GLYATL1: variants seen among roughly 807,000 people sequenced by gnomAD.
The protein encoded by GLYATL1 is glycine N-acyltransferase-like protein 1.
Under a neutral mutation model 20.0 loss-of-function variants are expected in GLYATL1, and 15 were observed. That is an observed-to-expected ratio of 0.75 (90% CI 0.50 to 1.15). GLYATL1 has a LOEUF of 1.15. Ranked by LOEUF, GLYATL1 falls within the 50% of genes most tolerant of loss-of-function variation. The pLI, the probability that GLYATL1 is intolerant of heterozygous loss-of-function variation, is 0.00. For missense variants in GLYATL1, 380 were observed against 368.5 expected (o/e 1.03, Z -0.26); for synonymous variants, 151 against 131.5 (o/e 1.15, Z -1.01).
chr11:58,956,186 T>C lies in GLYATL1; in HGVS notation c.*159T>C. Reference sequence around the variant, plus strand: ...TTGATGTTAAAAGACACAGCCATGCTCTTGAGGAGCTTACAATCCTGGCTG... The same window carrying C: ...TTGATGTTAAAAGACACAGCCATGCCCTTGAGGAGCTTACAATCCTGGCTG... On this transcript the variant is annotated 3_prime_UTR_variant, in exon 7 of 7. Transcript: ENST00000532726. The C allele has an allele frequency of 1.5e-6, 1 of 672,818 alleles. No individual in the cohort carries two copies. The highest frequency in any genetic ancestry group is 2.0e-5 in the South Asian group (1 of 49,690). 41.7% of individuals were successfully genotyped at this position (672,818 alleles called of 1,614,324 possible).
At chr11:58,935,643 G>A (rs1453993628), upstream of GLYATL1, 1 of 152,156 alleles carries the variant, frequency 6.6e-6, no homozygotes, top group Non-Finnish European at 1.5e-5. Flanking sequence ...CATCCAATCA[G>A]ATTTCTATAT....
chr11:58,953,473 T>G (rs1215161232), intron 4 of GLYATL1, among the ~76,000 whole-genome samples: 1 of 151,556 alleles, frequency 6.6e-6, no homozygotes, highest in Non-Finnish European at 1.5e-5. Context: ...TCTCTCTTTC[T>G]TCTTCTCTCT....
intron 5 of GLYATL1, 116 bp from the exon 6 acceptor site, chr11:58,955,060 C>T: frequency 2.4e-6 from 3 of 1,228,438 alleles, no homozygotes; most frequent in Non-Finnish European, 2.3e-6. Flanking sequence ...CTCCATCTGA[C>T]TGTGGTGTAA....
chr11:58,943,989 A>G (rs1359154032), intron 2 of GLYATL1, among the ~76,000 whole-genome samples: 1 of 151,974 alleles, frequency 6.6e-6, no homozygotes, highest in Non-Finnish European at 1.5e-5. Flanking sequence ...CTAGGTAGGA[A>G]AAAAATCACT....
upstream of GLYATL1, among the ~76,000 whole-genome samples, chr11:58,938,752 A>C (rs1855950246): frequency 6.6e-6 from 1 of 152,172 alleles, no homozygotes; most frequent in Non-Finnish European, 1.5e-5. Flanking sequence ...ACAGGGGTCT[A>C]GTTCCAGCCG....
chr11:58,931,875 G>A (rs1855614791), intron 1 of GLYATL1, among the ~76,000 whole-genome samples: 1 of 151,822 alleles, frequency 6.6e-6, no homozygotes, highest in South Asian at 2.1e-4. Flanking sequence ...ACTTTGGAAG[G>A]CAGAGGCAGG....
upstream of GLYATL1, among the ~76,000 whole-genome samples, chr11:58,927,019 A>G (rs999004572): frequency 4.6e-5 from 7 of 152,254 alleles, no homozygotes. Flanking sequence ...TGTTTTGGCT[A>G]CACTTACATA....
chr11:58,932,382 A>T (rs1454932582), intron 1 of GLYATL1, among the ~76,000 whole-genome samples: 1 of 152,164 alleles, frequency 6.6e-6, no homozygotes, highest in Non-Finnish European at 1.5e-5. Context: ...GGCAATATCT[A>T]TTATAATAAG....
exon 2 of GLYATL1, chr11:58,908,407 A>G (rs1854959232): frequency 6.3e-6 from 1 of 157,622 alleles, no homozygotes; most frequent in African/African-American, 2.4e-5. Context: ...AATAAATTCA[A>G]TCCTTGGTTC....
intron 5 of GLYATL1, 42 bp downstream of exon 5, chr11:58,954,938 A>C (rs1857278677): frequency 6.3e-7 from 1 of 1,582,842 alleles, no homozygotes; most frequent in Non-Finnish European, 8.6e-7. Context: ...GTGCTTCTCA[A>C]ATTGTGTCTT....
At chr11:58,928,652 G>A (rs192229673) in intron 1 of GLYATL1, 2 of 152,344 alleles carry the variant, frequency 1.3e-5, no homozygotes, top group Admixed American at 6.5e-5. Flanking sequence ...GTCATGCTGA[G>A]TGTCTGACCG....
rs1212715849 is a variant in GLYATL1, at chr11:58,947,890, G to A, written c.111G>A (p.Gly37=). 2 of 1,613,812 alleles carry A rather than the reference G, an allele frequency of 1.2e-6. No homozygotes were observed. The highest frequency in any genetic ancestry group is 4.5e-5 in the East Asian group (2 of 44,880). The change falls in exon 4 of 7, where the codon GGG becomes GGA. Residue 37 remains glycine, a synonymous_variant. Transcript: ENST00000532726. ...VYGSVYHINH[G]NPFNMEVLVD... ...GCTCTGTGTATCACATCAATCACGGGAACCCCTTCAACATGGAGGTGCTGG... is the reference window on the plus strand; with the variant it reads ...GCTCTGTGTATCACATCAATCACGGAAACCCCTTCAACATGGAGGTGCTGG...
At chr11:58,941,286 C>T (rs1372852929) in intron 1 of GLYATL1, among the ~76,000 whole-genome samples, 3 of 146,354 alleles carry the variant, frequency 2.0e-5, no homozygotes, top group East Asian at 2.1e-4. Context: ...TGAGAACATG[C>T]GGTGTTTGGT....
intron 1 of GLYATL1, among the ~76,000 whole-genome samples, chr11:58,940,092 A>G (rs537651062): frequency 6.6e-6 from 1 of 152,322 alleles, no homozygotes; most frequent in African/African-American, 2.4e-5. Flanking sequence ...GTTTGACCCC[A>G]GTATAGTTTG....
chr11:58,910,434 A>G (rs1278538007), downstream of GLYATL1, among the ~76,000 whole-genome samples: 1 of 152,238 alleles, frequency 6.6e-6, no homozygotes, highest in Non-Finnish European at 1.5e-5. Flanking sequence ...AACTAAAATC[A>G]AATAATGAAA....
chr11:58,909,834 CAT>C (rs1348388136), downstream of GLYATL1, among the ~76,000 whole-genome samples: 6 of 152,190 alleles, frequency 3.9e-5, no homozygotes, highest in Non-Finnish European at 7.4e-5. Flanking sequence ...CATTTGTTCA[CAT>C]GAGTGGATAT....
upstream of GLYATL1, among the ~76,000 whole-genome samples, chr11:58,937,510 A>G (rs182760891): frequency 2.0e-5 from 3 of 152,338 alleles, no homozygotes; most frequent in African/African-American, 7.2e-5. Flanking sequence ...TCAGAAAAGT[A>G]CTAGTACACA....
intron 3 of GLYATL1, 162 bp from the exon 4 acceptor site, chr11:58,947,696 G>A (rs939724034): frequency 5.2e-5 from 31 of 591,082 alleles, no homozygotes; most frequent in Admixed American, 1.7e-4. Flanking sequence ...GTAACTTCAC[G>A]TCCATCAGTA....
downstream of GLYATL1, among the ~76,000 whole-genome samples, chr11:58,912,330 T>C (rs1305433104): frequency 2.6e-5 from 4 of 152,202 alleles, no homozygotes; most frequent in South Asian, 2.1e-4. Flanking sequence ...CCTGGCATCA[T>C]GCAGCTTTAA....
Sources: gnomAD v4.1 joint callset for allele counts (sites outside exome capture counted in the v4.1 genomes callset) on GRCh38, gnomAD v4.1.1 for gene constraint, MANE v1.5 for transcripts, NCBI Gene and HGNC (gene_info 2026-07-23, HGNC 2026-07-21) for gene names.